Variants in DPP6 observed in about 807,000 individuals in gnomAD.
DPP6 encodes dipeptidyl peptidase like 6.
In DPP6, 69 loss-of-function variants were observed where a neutral mutation model predicts 122.6. That is an observed-to-expected ratio of 0.56 (90% CI 0.46 to 0.69). The LOEUF (loss-of-function observed/expected upper bound fraction) is 0.69, where lower values mean the gene tolerates loss of function less well. Among genes scored for constraint, DPP6 ranks in the 30% least tolerant of loss-of-function variants. DPP6 has a pLI of 0.00. For missense variants in DPP6, 928 were observed against 1,116.9 expected (o/e 0.83, Z 2.41); for synonymous variants, 418 against 433.1 (o/e 0.97, Z 0.43).
At position 154,361,285 on chromosome 7, in the gene DPP6, C is replaced by T. The variant is rs1337854556; in HGVS notation, c.244-84929C>T. Among the ~76,000 whole-genome samples, 6 of 152,130 alleles carry T rather than the reference C, an allele frequency of 3.9e-5. 1 individual carries two copies. Among genetic ancestry groups the T allele is most frequent in the Non-Finnish European group, 8.8e-5 (6 of 68,030 alleles). ...CAGAAGCTGACTAACAGCACACTGC[C>T]CACCATCTGCTCAAGATACCCAATA... On this transcript the variant is annotated intron_variant, in intron 1 of 25. Transcript: ENST00000377770.
chr7:154,517,600 A>T (rs79364458), intron 3 of DPP6, among the ~76,000 whole-genome samples: 2 of 152,086 alleles, frequency 1.3e-5, no homozygotes, highest in African/African-American at 4.8e-5. Flanking sequence ...TCTAGTTGAC[A>T]TTGTTTAGTT....
At chr7:153,758,408 A>T in the DPP6 span, among the ~76,000 whole-genome samples, 1 of 152,148 alleles carries the variant, frequency 6.6e-6, no homozygotes, top group African/African-American at 2.4e-5. Context: ...TTTAATAAGT[A>T]TTGACGTGTG....
At chr7:154,621,481 G>A (rs1834654982) in intron 5 of DPP6, among the ~76,000 whole-genome samples, 1 of 152,186 alleles carries the variant, frequency 6.6e-6, no homozygotes. Flanking sequence ...CGATTCTCCT[G>A]CCTCAGCCTC....
intron 1 of DPP6, among the ~76,000 whole-genome samples, chr7:154,174,203 GACA>G (rs1797680319): frequency 6.6e-6 from 1 of 152,176 alleles, no homozygotes; most frequent in African/African-American, 2.4e-5. Flanking sequence ...CATGACTTTG[GACA>G]AATTTCTTAC....
At chr7:154,375,941 T>C (rs939774713) in intron 1 of DPP6, among the ~76,000 whole-genome samples, 1 of 152,190 alleles carries the variant, frequency 6.6e-6, no homozygotes, top group Non-Finnish European at 1.5e-5. Flanking sequence ...TATACTCACC[T>C]GCTGGCCCAC....
intron 1 of DPP6, among the ~76,000 whole-genome samples, chr7:154,030,919 G>GT (rs1563115946): frequency 6.6e-6 from 1 of 151,808 alleles, no homozygotes; most frequent in East Asian, 1.9e-4. Flanking sequence ...ACAAAATAAC[G>GT]TAAGCCCCCT....
At chr7:154,302,402 A>T (rs1805971312) in intron 1 of DPP6, among the ~76,000 whole-genome samples, 1 of 152,228 alleles carries the variant, frequency 6.6e-6, no homozygotes, top group Non-Finnish European at 1.5e-5. Context: ...CAAGTATGTA[A>T]AAAGGTGGGC....
At chr7:154,587,703 C>T (rs1832546453) in intron 5 of DPP6, 1 of 1,551,958 alleles carries the variant, frequency 6.4e-7, no homozygotes, top group South Asian at 1.2e-5. Context: ...AATCATGTGA[C>T]TCATTAGCAG....
At chr7:154,872,905 C>T (rs562706276) in intron 19 of DPP6, among the ~76,000 whole-genome samples, 17 of 152,328 alleles carry the variant, frequency 1.1e-4, no homozygotes, top group African/African-American at 2.6e-4. Flanking sequence ...GTGTACCCAC[C>T]GCCTCTCCCC....
chr7:154,779,007 A>G (rs1464818148), intron 10 of DPP6, among the ~76,000 whole-genome samples: 84 of 31,920 alleles, frequency 2.6e-3, no homozygotes, highest in Middle Eastern at 0.059. Context: ...AACCTCCACC[A>G]CCAGCACCCC....
chr7:154,348,092 C>T (rs1810549027), intron 1 of DPP6, among the ~76,000 whole-genome samples: 1 of 152,070 alleles, frequency 6.6e-6, no homozygotes, highest in East Asian at 1.9e-4. Flanking sequence ...GCTCCCACCC[C>T]CACCTCCTGA....
intron 4 of DPP6, among the ~76,000 whole-genome samples, chr7:154,540,986 G>A (rs10274072): frequency 0.017 from 2,620 of 152,222 alleles, 69 homozygotes; most frequent in African/African-American, 0.059. Context: ...AAAAAAGCTC[G>A]TCTCCGCATG....
intron 1 of DPP6, among the ~76,000 whole-genome samples, chr7:154,129,071 C>T (rs1808171522): frequency 6.6e-6 from 1 of 152,108 alleles, no homozygotes; most frequent in African/African-American, 2.4e-5. Flanking sequence ...GACACACCCC[C>T]AAGAAGAAAA....
At chr7:154,315,672 G>T (rs1204952908) in intron 1 of DPP6, among the ~76,000 whole-genome samples, 1 of 152,112 alleles carries the variant, frequency 6.6e-6, no homozygotes, top group Non-Finnish European at 1.5e-5. Flanking sequence ...AATGGGCCAG[G>T]GAGAGTGGTA....
At chr7:153,814,912 T>C in the DPP6 span, among the ~76,000 whole-genome samples, 277 of 152,196 alleles carry the variant, frequency 1.8e-3, no homozygotes, top group African/African-American at 6.3e-3. Context: ...TCAACAATGC[T>C]TCATGCTAAA....
intron 3 of DPP6, among the ~76,000 whole-genome samples, chr7:154,533,926 A>T (rs1828039970): frequency 6.6e-6 from 1 of 151,992 alleles, no homozygotes; most frequent in South Asian, 2.1e-4. Flanking sequence ...TGGGTCCAGG[A>T]GTTCATGGAT....
intron 1 of DPP6, among the ~76,000 whole-genome samples, chr7:154,153,486 C>A (rs1267235358): frequency 4.1e-4 from 63 of 151,852 alleles, no homozygotes; most frequent in African/African-American, 1.5e-3. Context: ...TGAGCCTGGC[C>A]TTATTACTTT....
At chr7:154,508,146 A>C (rs35860035) in intron 3 of DPP6, among the ~76,000 whole-genome samples, 106 of 152,152 alleles carry the variant, frequency 7.0e-4, no homozygotes, top group Non-Finnish European at 1.2e-3. Flanking sequence ...ATGAAAAGCA[A>C]CTCGAACTCT....
intron 3 of DPP6, among the ~76,000 whole-genome samples, chr7:154,488,137 T>C (rs183058850): frequency 0.014 from 1,805 of 128,568 alleles, 22 homozygotes; most frequent in Non-Finnish European, 0.02. Context: ...TTTTGGTTAA[T>C]TGAGGGCTGG....
Sources: gnomAD v4.1 joint callset for allele counts (sites outside exome capture counted in the v4.1 genomes callset) on GRCh38, gnomAD v4.1.1 for gene constraint, MANE v1.5 for transcripts, NCBI Gene and HGNC (gene_info 2026-07-23, HGNC 2026-07-21) for gene names.